Variants in DCAF5 observed in about 807,000 individuals in gnomAD.
The protein encoded by DCAF5 is DDB1 and CUL4 associated factor 5, also known as DDB1- and CUL4-associated factor 5.
DCAF5 carries 9 observed loss-of-function variants against 80.7 expected under a neutral mutation model. The ratio of observed to expected loss-of-function variants is 0.11; its 90% CI spans 0.07 to 0.19. The LOEUF is 0.19. Ranked by LOEUF, DCAF5 falls within the 10% of genes least tolerant of loss-of-function variation. The pLI, the probability that DCAF5 is intolerant of heterozygous loss-of-function variation, is 1.00. For missense variants in DCAF5, 842 were observed against 1,205.7 expected, an observed-to-expected ratio of 0.70 and a Z score of 4.47; for synonymous variants, 433 against 461.9, an observed-to-expected ratio of 0.94 and a Z score of 0.80.
At chr14:69,097,566 GATTATT>G (rs1374693882) in intron 5 of DCAF5, among the ~76,000 whole-genome samples, 3 of 124,026 alleles carry the variant, frequency 2.4e-5, no homozygotes, top group African/African-American at 6.1e-5. Flanking sequence ...TCACCCACTG[GATTATT>G]ATTATTATTA....
At position 69,152,327 on chromosome 14, in the gene DCAF5, A is replaced by T. The variant is rs2041732470; in HGVS notation, c.214+438T>A. The T allele has an allele frequency of 6.5e-6, 1 of 153,994 alleles. No individual in the cohort carries two copies. Among genetic ancestry groups the T allele is most frequent in the African/African-American group, 2.4e-5 (1 of 41,352 alleles). 9.5% of individuals were successfully genotyped at this position (153,994 alleles called of 1,614,324 possible). A position where few individuals can be genotyped will look rare whatever the true frequency, so the allele number is the denominator to read the frequency against. Reference sequence around the variant, plus strand: ...CCAGCCCCAAGACCCCTTTTCCTTAACGCCGGCGACGGGGGCTTCAGCTCC... The same window carrying T: ...CCAGCCCCAAGACCCCTTTTCCTTATCGCCGGCGACGGGGGCTTCAGCTCC... On this transcript the variant is annotated intron_variant, in intron 1 of 8. Transcript: ENST00000341516. This position sits in a 1 kb window ranked among gnomAD's most constrained non-coding sequence, Gnocchi z 4.1.
intron 1 of DCAF5, among the ~76,000 whole-genome samples, chr14:69,139,301 C>T (rs1255255095): frequency 2.0e-5 from 3 of 151,992 alleles, no homozygotes; most frequent in Non-Finnish European, 2.9e-5. Context: ...GCCTGGGCAA[C>T]ATAGAGACCT....
intron 8 of DCAF5, among the ~76,000 whole-genome samples, chr14:69,058,334 C>T (rs142069568): frequency 1.9e-3 from 283 of 151,802 alleles, no homozygotes; most frequent in African/African-American, 6.7e-3. Context: ...GCCTGGCCAA[C>T]GTGGTAAAAC....
intron 4 of DCAF5, among the ~76,000 whole-genome samples, chr14:69,117,858 C>G (rs2040589674): frequency 6.6e-6 from 1 of 152,120 alleles, no homozygotes; most frequent in Admixed American, 6.6e-5. Flanking sequence ...TACATGTCAG[C>G]ACCACAACTT....
chr14:69,122,192 C>A (rs200888922), intron 2 of DCAF5, 25 bp downstream of exon 2: 1 of 1,605,750 alleles, frequency 6.2e-7, no homozygotes, highest in South Asian at 1.1e-5. Flanking sequence ...CAGTGACGTT[C>A]CCAAGGTAGA....
chr14:69,081,266 T>G (rs2039092156), intron 6 of DCAF5, among the ~76,000 whole-genome samples: 1 of 152,150 alleles, frequency 6.6e-6, no homozygotes, highest in Admixed American at 6.5e-5. Context: ...AGGTAGGAGA[T>G]CCATAGACTA....
At chr14:69,063,984 T>C (rs553267730) in intron 7 of DCAF5, among the ~76,000 whole-genome samples, 1 of 152,034 alleles carries the variant, frequency 6.6e-6, no homozygotes, top group Non-Finnish European at 1.5e-5. Context: ...TAATAAACCA[T>C]AAAAAAAGAG....
chr14:69,094,381 T>C (rs1216162631), intron 5 of DCAF5, among the ~76,000 whole-genome samples: 2 of 152,126 alleles, frequency 1.3e-5, no homozygotes, highest in Non-Finnish European at 2.9e-5. Context: ...AGGAATTTGG[T>C]TGTGGGCTCC....
chr14:69,111,399 G>C (rs1403710030), intron 5 of DCAF5, among the ~76,000 whole-genome samples: 1 of 152,192 alleles, frequency 6.6e-6, no homozygotes, highest in African/African-American at 2.4e-5. Flanking sequence ...TATAAGATAA[G>C]TCTTTATAGG....
intron 5 of DCAF5, among the ~76,000 whole-genome samples, chr14:69,109,915 G>A (rs957177232): frequency 6.6e-6 from 1 of 152,128 alleles, no homozygotes; most frequent in African/African-American, 2.4e-5. Context: ...CCTAATGGTT[G>A]TACCAATTTG....
intron 6 of DCAF5, chr14:69,084,057 AGTG>A: frequency 1.3e-6 from 1 of 781,914 alleles, no homozygotes; most frequent in South Asian, 1.3e-5. Flanking sequence ...AAAAACCGTC[AGTG>A]GTAAAACCCC....
intron 1 of DCAF5, among the ~76,000 whole-genome samples, chr14:69,134,593 G>A (rs1446669461): frequency 6.6e-6 from 1 of 152,234 alleles, no homozygotes; most frequent in Non-Finnish European, 1.5e-5. Context: ...GAAATTAGGA[G>A]AATGTGACTG....
chr14:69,067,900 G>A (rs962620842), intron 7 of DCAF5, among the ~76,000 whole-genome samples: 1 of 152,190 alleles, frequency 6.6e-6, no homozygotes, highest in Non-Finnish European at 1.5e-5. Context: ...CTCCCAAAGT[G>A]CTGGGATTAC....
intron 8 of DCAF5, among the ~76,000 whole-genome samples, chr14:69,056,664 A>C (rs1244880777): frequency 6.6e-6 from 1 of 152,068 alleles, no homozygotes; most frequent in Non-Finnish European, 1.5e-5. Context: ...CAACCCAGAA[A>C]ACAGTGGCCC....
chr14:69,126,609 T>C (rs1298280363), intron 1 of DCAF5, among the ~76,000 whole-genome samples: 1 of 152,188 alleles, frequency 6.6e-6, no homozygotes, highest in Admixed American at 6.5e-5. Flanking sequence ...ATAGTCAACA[T>C]GATTTTGAAG....
chr14:69,122,384 T>TAA, intron 1 of DCAF5, 24 bp from the exon 2 acceptor site: 1 of 1,594,092 alleles, frequency 6.3e-7, no homozygotes, highest in Non-Finnish European at 8.6e-7. Flanking sequence ...TAAGAATCTG[T>TAA]GCTTAAAACA....
At position 69,054,713 on chromosome 14, in the gene DCAF5, C is replaced by T. The variant is rs776764346; in HGVS notation, c.1973G>A (p.Arg658Gln). The T allele has an allele frequency of 1.6e-5, 26 of 1,614,076 alleles. No individual in the cohort carries two copies. Among genetic ancestry groups the T allele is most frequent in the East Asian group, 1.1e-4 (5 of 44,888 alleles). The change falls in exon 9 of 9, where the codon CGA (arginine) becomes CAA (glutamine). Residue 658 changes from arginine to glutamine, a missense_variant. Physicochemically the swap from Arg to Gln is conservative, Grantham distance 43 (BLOSUM62 1). Coordinates refer to ENST00000341516, the MANE Select transcript of DCAF5 (RefSeq NM_003861.3). ...CCACTTGTAAGCTTTATAAATTTTTCGCTCAACTGATTCTATGTCAGAAGT... is the reference window on the plus strand; with the variant it reads ...CCACTTGTAAGCTTTATAAATTTTTTGCTCAACTGATTCTATGTCAGAAGT... ...SPTSDIESVE[R>Q]KIYKAYKWLR...
At chr14:69,077,797 T>C (rs762133755) in intron 6 of DCAF5, among the ~76,000 whole-genome samples, 17 of 152,170 alleles carry the variant, frequency 1.1e-4, no homozygotes, top group Non-Finnish European at 2.5e-4. Flanking sequence ...TACTGTGCAA[T>C]CATTTAAAAT....
chr14:69,088,897 G>A lies in DCAF5; in HGVS notation c.879+2777C>T, dbSNP rs1277579512. On this transcript the variant is annotated intron_variant, in intron 6 of 8. Transcript: ENST00000341516. ...GTCCTGCAGGTCACACTGTAACTGT[G>A]ACAACTGCTGCCTTGAGTGTGGAAA... is the stretch of plus-strand genomic sequence containing the variant. Among the ~76,000 whole-genome samples, 4 of 152,168 alleles carry A rather than the reference G, an allele frequency of 2.6e-5. No individual in the cohort carries two copies. In the East Asian group the frequency reaches 5.8e-4, roughly 22 times the overall value.
Sources: allele counts gnomAD v4.1 joint callset (sites outside exome capture counted in the v4.1 genomes callset), GRCh38; gene constraint gnomAD v4.1.1; non-coding constraint Gnocchi (gnomAD v3.1); transcripts MANE v1.5; gene names NCBI Gene and HGNC (gene_info 2026-07-23, HGNC 2026-07-21).